Variants in RBM19 observed in about 807,000 individuals in gnomAD.
RBM19 encodes RNA binding motif protein 19.
Under a neutral mutation model 116.8 loss-of-function variants are expected in RBM19, and 94 were observed. The ratio of observed to expected loss-of-function variants is 0.80; its 90% CI spans 0.68 to 0.95. The LOEUF is 0.95. RBM19 is among the 40% of genes least tolerant of loss of function. The pLI, the probability that RBM19 is intolerant of heterozygous loss-of-function variation, is 0.00. For missense variants in RBM19, 1,161 were observed against 1,220.7 expected (o/e 0.95, Z 0.73); for synonymous variants, 475 against 494.1 (o/e 0.96, Z 0.51).
chr12:113,942,524 G>A (rs1870668272), intron 13 of RBM19, 90 bp from the exon 14 acceptor site: 1 of 1,084,900 alleles, frequency 9.2e-7, no homozygotes, highest in Admixed American at 2.3e-5. Flanking sequence ...AGAGGAGGCT[G>A]GGATGGAAAT....
intron 18 of RBM19, among the ~76,000 whole-genome samples, chr12:113,921,580 T>C (rs542629215): frequency 1.3e-5 from 2 of 152,290 alleles, no homozygotes; most frequent in Non-Finnish European, 2.9e-5. Flanking sequence ...TGCCTTTCCA[T>C]TGACAGCAGG....
At position 113,965,570 on chromosome 12, in the gene RBM19, T is replaced by C. The variant is rs150768954; in HGVS notation, c.36+622A>G. Among the ~76,000 whole-genome samples, 470 of 152,204 alleles carry C rather than the reference T, an allele frequency of 3.1e-3. 4 individuals carry two copies. Among genetic ancestry groups the C allele is most frequent in the African/African-American group, 0.011 (444 of 41,522 alleles). On this transcript the variant is annotated intron_variant, in intron 1 of 23. Transcript: ENST00000261741. The stretch of plus-strand genomic sequence containing the variant: ...CAGCGAGAGAGAGAAAAAAGGATGA[T>C]CCATTCGAGCCCACCGCATCTAATC...
At chr12:113,952,737 C>T (rs1307845691) in intron 7 of RBM19, 147 bp from the exon 8 acceptor site, 2 of 593,458 alleles carry the variant, frequency 3.4e-6, no homozygotes, top group African/African-American at 3.8e-5. Context: ...ATCGCTTCTC[C>T]AATTACCTTG....
At chr12:113,833,757 AAAAAGAGAT>A (rs1481831740) in intron 23 of RBM19, among the ~76,000 whole-genome samples, 3 of 152,040 alleles carry the variant, frequency 2.0e-5, no homozygotes, top group African/African-American at 4.8e-5. Flanking sequence ...TTTCGTTTTT[AAAAAGAGAT>A]AGGGTCTTGC....
chr12:113,959,438 G>A (rs776616573), intron 4 of RBM19, 34 bp from the exon 5 acceptor site: 123 of 1,581,960 alleles, frequency 7.8e-5, no homozygotes, highest in Non-Finnish European at 5.0e-5. Context: ...GCAGGGACAC[G>A]GGAAAAAGAG....
intron 18 of RBM19, 152 bp downstream of exon 18, chr12:113,924,545 G>A (rs1293828612): frequency 2.8e-6 from 2 of 714,722 alleles, no homozygotes; most frequent in Non-Finnish European, 4.9e-6. Context: ...CTATTTCAAA[G>A]AGTCTGAGGC....
Position 113,914,950 on chromosome 12 carries a change from C to G in RBM19, c.2558+19G>C, listed in dbSNP as rs1455829212. On this transcript the variant is annotated intron_variant, in intron 21 of 23. Coordinates refer to ENST00000261741, the MANE Select transcript of RBM19 (RefSeq NM_016196.4). ...CCCGCCCACACGCCAGTCCCCTGGA[C>G]TAAACCTGAAGTTCTCACCTGAAGA... 1 of 1,603,510 alleles carries G rather than the reference C, an allele frequency of 6.2e-7. No homozygotes were observed. Among genetic ancestry groups the G allele is most frequent in the Non-Finnish European group, 8.5e-7 (1 of 1,170,346 alleles).
At chr12:113,893,462 T>A (rs1015680568) in intron 21 of RBM19, among the ~76,000 whole-genome samples, 1 of 152,238 alleles carries the variant, frequency 6.6e-6, no homozygotes. Context: ...CTTCCCTTGA[T>A]TGCTGGATGG....
chr12:113,948,964 T>G lies in RBM19; in HGVS notation c.1145A>C (p.Lys382Thr). The G allele has an allele frequency of 6.2e-7, 1 of 1,614,188 alleles. No individual in the cohort carries two copies. The highest frequency in any genetic ancestry group is 8.5e-7 in the Non-Finnish European group (1 of 1,180,028). ...CCCGAGTATCCGGCCTTGCCAGGAT[T>G]TGGTGGTATTCTTTGGTGCACCCTT... ...TTKGAPKNTT[K>T]SWQGRILGEN... The change falls in exon 10 of 24, where the codon AAA (lysine) becomes ACA (threonine). Residue 382 changes from lysine (K) to threonine (T), a missense_variant. Physicochemically the swap from Lys to Thr is moderately conservative, Grantham distance 78. Transcript: ENST00000261741.
At chr12:113,891,686 A>T (rs1880974212) in intron 21 of RBM19, among the ~76,000 whole-genome samples, 2 of 152,172 alleles carry the variant, frequency 1.3e-5, no homozygotes, top group Admixed American at 1.3e-4. Flanking sequence ...TTAATAATAG[A>T]CCATTTTGGG....
At chr12:113,866,927 G>A (rs1593505713) in intron 21 of RBM19, among the ~76,000 whole-genome samples, 1 of 152,224 alleles carries the variant, frequency 6.6e-6, no homozygotes, top group Non-Finnish European at 1.5e-5. Context: ...ACAACAGAAG[G>A]AGTCTGTGGG....
chr12:113,943,361 T>C (rs376163864), intron 13 of RBM19, among the ~76,000 whole-genome samples: 3 of 152,206 alleles, frequency 2.0e-5, no homozygotes, highest in Admixed American at 6.5e-5. Flanking sequence ...TCTAGAATTG[T>C]GCCATCCAAC....
intron 22 of RBM19, among the ~76,000 whole-genome samples, chr12:113,851,100 T>A (rs1877411271): frequency 6.6e-6 from 1 of 152,196 alleles, no homozygotes; most frequent in Non-Finnish European, 1.5e-5. Flanking sequence ...CCTCACAGGG[T>A]AGCTGTCTGC....
rs1210533493 is a variant in RBM19 at position 113,888,834 on chromosome 12, T to G, written c.2558+26135A>C. On this transcript the variant is annotated intron_variant, in intron 21 of 23. Coordinates refer to ENST00000261741, the MANE Select transcript of RBM19 (RefSeq NM_016196.4). The stretch of plus-strand genomic sequence containing the variant: ...ACTATTGTGAGGACCAAAGGGATAT[T>G]AGAGAACTTAGCTTGGCGTTTGGCA... Among the ~76,000 whole-genome samples, 4 of 152,334 alleles carry G rather than the reference T, an allele frequency of 2.6e-5. No individual in the cohort carries two copies. In the East Asian group the frequency reaches 7.7e-4, roughly 29 times the overall value.
chr12:113,945,870 G>T lies in RBM19; in HGVS notation c.1584C>A (p.Ile528=), dbSNP rs768434010. 2 of 1,592,410 alleles carry T rather than the reference G, an allele frequency of 1.3e-6. No homozygotes were observed. Among genetic ancestry groups the T allele is most frequent in the Admixed American group, 1.7e-5 (1 of 59,974 alleles). ...TCTTGGTGGCGTTGTACTTCTGTGC[G>T]ATGGCATCGGCCACGGCATTCGGCC... The part of the protein sequence containing the change: ...FMGPNAVADA[I]AQKYNATKSQ... The change falls in exon 13 of 24, where the codon ATC becomes ATA. Residue 528 remains isoleucine, a synonymous_variant. Transcript: ENST00000261741.
chr12:113,857,822 C>G (rs1043239695), intron 22 of RBM19, among the ~76,000 whole-genome samples: 4 of 152,258 alleles, frequency 2.6e-5, no homozygotes, highest in African/African-American at 9.6e-5. Context: ...GACCCACCCC[C>G]TGGGCCTCTT....
intron 19 of RBM19, among the ~76,000 whole-genome samples, chr12:113,919,022 G>A (rs1650499668): frequency 6.6e-6 from 1 of 152,182 alleles, no homozygotes; most frequent in Admixed American, 6.5e-5. Flanking sequence ...CAGTACACGT[G>A]CAAAGTGAAA....
chr12:113,858,471 A>G lies in RBM19; in HGVS notation c.2664+320T>C, dbSNP rs529603199. 5.3e-5 allele frequency among the ~76,000 whole-genome samples: 8 copies of G among 152,220 alleles called. No individual in the cohort carries two copies. The East Asian group carries it at 1.4e-3, about 26-fold the overall frequency. On this transcript the variant is annotated intron_variant, in intron 22 of 23. Coordinates refer to ENST00000261741, the MANE Select transcript of RBM19 (RefSeq NM_016196.4). ...CCCATACTGCCTACCCCAGGGGGCC[A>G]CCTGAACTGAGGAATTTTCTTGATG...
Position 113,862,727 on chromosome 12 carries a change from C to T in RBM19, c.2559-3831G>A, listed in dbSNP as rs144504279. Among the ~76,000 whole-genome samples, 1,340 of 152,174 alleles carry T rather than the reference C, an allele frequency of 8.8e-3. 10 individuals are homozygous for T. The highest frequency in any genetic ancestry group is 0.016 in the Non-Finnish European group (1,054 of 67,996). On this transcript the variant is annotated intron_variant, in intron 21 of 23. Coordinates refer to ENST00000261741, the MANE Select transcript of RBM19 (RefSeq NM_016196.4). ...AACTCCTCCCTGAGCCCAACTCTGC[C>T]GCTCGGGGGGAAGGAGATGCACACC...
Sources: allele counts gnomAD v4.1 joint callset (sites outside exome capture counted in the v4.1 genomes callset), GRCh38; gene constraint gnomAD v4.1.1; transcripts MANE v1.5; gene names NCBI Gene and HGNC (gene_info 2026-07-23, HGNC 2026-07-21).